Variants in PCDHA8 observed in about 807,000 individuals in gnomAD.
PCDHA8 encodes the protein protocadherin alpha-8.
A neutral mutation model predicts 61.8 loss-of-function variants in PCDHA8; 53 were observed. That is an observed-to-expected ratio of 0.86 (90% confidence interval 0.69 to 1.08). The LOEUF (loss-of-function observed/expected upper bound fraction) is 1.08, where lower values mean the gene tolerates loss of function less well. Among genes scored for constraint, PCDHA8 ranks in the 50% least tolerant of loss-of-function variants. PCDHA8 has a pLI of 0.00. For missense variants in PCDHA8, 1,293 were observed against 1,245.0 expected (o/e 1.04, Z -0.58); for synonymous variants, 618 against 556.6 (o/e 1.11, Z -1.55).
In PCDHA8 at chr5:141,009,853, G is replaced by A. The variant is rs1482682626; in HGVS notation, c.2769G>A (p.Lys923=). The change falls in exon 4 of 4, where the codon AAG becomes AAA. Residue 923 remains lysine (K), a synonymous_variant. Transcript: ENST00000531613. ...FITFGKKEET[K]KKKKKKKGNK... ...CCTTCGGCAAAAAGGAGGAGACCAAGAAAAAGAAGAAAAAGAAGAAGGGTA... is the reference window on the plus strand; with the variant it reads ...CCTTCGGCAAAAAGGAGGAGACCAAAAAAAAGAAGAAAAAGAAGAAGGGTA... 12 of 1,613,590 alleles carry A rather than the reference G, an allele frequency of 7.4e-6. No individual in the cohort carries two copies. Among genetic ancestry groups the A allele is most frequent in the Non-Finnish European group, 1.0e-5 (12 of 1,179,924 alleles).
chr5:140,871,098 G>T (rs2052704304), intron 1 of PCDHA8: 4 of 1,613,192 alleles, frequency 2.5e-6, no homozygotes, highest in Non-Finnish European at 3.4e-6. Context: ...CCACCGTGCT[G>T]GTGTCGTTGG....
In PCDHA8 at chr5:140,842,463, C is replaced by T. The variant is rs1554139058; in HGVS notation, c.1142C>T (p.Ala381Val). ...LISVNDLDSGANGQVTCSLMP... is the reference protein window; with the variant it reads ...LISVNDLDSGVNGQVTCSLMP... ...AGCGTGAACGACCTCGATTCAGGTG[C>T]CAACGGGCAGGTGACCTGCTCCCTG... is the stretch of plus-strand genomic sequence containing the variant. Residue 381 changes from alanine (A) to valine (V), a missense_variant, in exon 1 of 4, where the codon GCC becomes GTC. Physicochemically the swap from Ala to Val is moderately conservative, Grantham distance 64 (BLOSUM62 0). Transcript: ENST00000531613. The T allele has an allele frequency of 1.9e-6, 3 of 1,613,672 alleles. No individual in the cohort carries two copies. Among genetic ancestry groups the T allele is most frequent in the Admixed American group, 3.3e-5 (2 of 60,012 alleles).
At chr5:140,876,660 G>C in intron 1 of PCDHA8, 1 of 1,614,216 alleles carries the variant, frequency 6.2e-7, no homozygotes, top group Non-Finnish European at 8.5e-7. Context: ...TTCCCTTCAA[G>C]CTGGTGTCCA....
rs1563185469 is a variant in PCDHA8 at position 140,941,211 on chromosome 5, CTTCCTTT to C, written c.2395-37737_2395-37731del. On this transcript the variant is annotated intron_variant, in intron 1 of 3. Coordinates refer to ENST00000531613, the MANE Select transcript of PCDHA8 (RefSeq NM_018911.3). The stretch of plus-strand genomic sequence containing the variant: ...TTTTTTTTTCTTTCTTCCTTTCTTT[CTTCCTTT>C]CTTTCTTTCTTTCTTTCTTTCTTTC... Among the ~76,000 whole-genome samples, 1,009 of 129,652 alleles carry C rather than the reference CTTCCTTT, an allele frequency of 7.8e-3. 14 individuals are homozygous for C. Among genetic ancestry groups the C allele is most frequent in the Middle Eastern group, 0.036 (9 of 248 alleles). 85.1% of individuals were successfully genotyped at this position (129,652 alleles called of 152,430 possible).
intron 1 of PCDHA8, chr5:140,881,421 C>G: frequency 1.1e-6 from 1 of 907,614 alleles, no homozygotes; most frequent in South Asian, 5.1e-5. Context: ...GATATTAGTT[C>G]CAGGCATATT....
chr5:140,966,149 G>C (rs1347243484), intron 1 of PCDHA8: 1 of 167,682 alleles, frequency 6.0e-6, no homozygotes, highest in Non-Finnish European at 1.3e-5. Flanking sequence ...TTCCTGAATT[G>C]CGCTTGGAGA....
chr5:140,853,354 A>G (rs1391288948), intron 1 of PCDHA8: 1 of 982,096 alleles, frequency 1.0e-6, no homozygotes, highest in African/African-American at 1.8e-5. Flanking sequence ...ACATGAACTC[A>G]CAGGGATCCA....
At chr5:140,987,269 G>A (rs1442679377) in intron 3 of PCDHA8, among the ~76,000 whole-genome samples, 8 of 151,806 alleles carry the variant, frequency 5.3e-5, no homozygotes, top group African/African-American at 9.7e-5. Flanking sequence ...AATGGGACCC[G>A]GCAGTCTATG....
chr5:140,852,853 C>A, intron 1 of PCDHA8: 1 of 962,938 alleles, frequency 1.0e-6, no homozygotes, highest in Non-Finnish European at 1.3e-6. Context: ...ACTTACTAAG[C>A]ATTTACTATG....
At chr5:140,897,900 A>G (rs1173970358) in intron 1 of PCDHA8, among the ~76,000 whole-genome samples, 5 of 152,140 alleles carry the variant, frequency 3.3e-5, no homozygotes, top group Non-Finnish European at 5.9e-5. Context: ...GTGAGATGGT[A>G]TCTCATTGTG....
rs374028253 is a variant in PCDHA8, at chr5:140,876,864, G to C, written c.2394+33149G>C. ...CGCAGCCCGAGTACACAGTGTTCGT[G>C]AAGGAGAACAACCCGCCGGGCTGCC... is the stretch of plus-strand genomic sequence containing the variant. On this transcript the variant is annotated intron_variant, in intron 1 of 3. Transcript: ENST00000531613. The C allele has an allele frequency of 5.1e-5, 82 of 1,614,026 alleles. No individual in the cohort carries two copies. The African/African-American group carries it at 1.0e-3, about 20-fold the overall frequency.
intron 3 of PCDHA8, 123 bp from the exon 4 acceptor site, chr5:141,009,504 A>G: frequency 1.3e-6 from 2 of 1,497,074 alleles, no homozygotes; most frequent in Non-Finnish European, 1.8e-6. Flanking sequence ...ACTTGAACAA[A>G]CAACTCGTGA....
At chr5:140,900,139 G>A (rs985320509) in intron 1 of PCDHA8, among the ~76,000 whole-genome samples, 2 of 152,156 alleles carry the variant, frequency 1.3e-5, no homozygotes, top group East Asian at 3.9e-4. Context: ...CCACAAATAA[G>A]TAAGAACATA....
Position 140,929,287 on chromosome 5 carries a change from C to T in PCDHA8, c.2395-49662C>T, listed in dbSNP as rs782325052. On this transcript the variant is annotated intron_variant, in intron 1 of 3. Transcript: ENST00000531613. The stretch of plus-strand genomic sequence containing the variant: ...TTTGCCAATATCCTGTATTCAGATT[C>T]GGAATAGGAAAGGGGATCACGCTAA... 13 of 1,598,668 alleles carry T rather than the reference C, an allele frequency of 8.1e-6. No homozygotes were observed. In the East Asian group the frequency reaches 2.5e-4, roughly 30 times the overall value.
chr5:140,968,465 G>A lies in PCDHA8; in HGVS notation c.2395-10484G>A, dbSNP rs782606184. On this transcript the variant is annotated intron_variant, in intron 1 of 3. Coordinates refer to ENST00000531613, the MANE Select transcript of PCDHA8 (RefSeq NM_018911.3). ...ACTGAGCAGCACTGTGACTGCCAACGTATATGTGGTGGACATGAATGACCA... is the reference window on the plus strand; with the variant it reads ...ACTGAGCAGCACTGTGACTGCCAACATATATGTGGTGGACATGAATGACCA... 78 of 1,614,004 alleles carry A rather than the reference G, an allele frequency of 4.8e-5. No individual in the cohort carries two copies. Among genetic ancestry groups the A allele is most frequent in the Non-Finnish European group, 6.1e-5 (72 of 1,180,028 alleles).
intron 1 of PCDHA8, chr5:140,850,667 G>A (rs2150492921): frequency 2.5e-6 from 4 of 1,598,380 alleles, no homozygotes; most frequent in East Asian, 2.2e-5. Flanking sequence ...TGCGGTGCTC[G>A]GCGATGCCCA....
chr5:141,000,417 ATATATTTTTT>A (rs2097924181), intron 3 of PCDHA8, among the ~76,000 whole-genome samples: 1 of 77,748 alleles, frequency 1.3e-5, no homozygotes, highest in Non-Finnish European at 2.3e-5. Context: ...ATATATATAT[ATATATTTTTT>A]TTTTTTTTTT....
At chr5:140,997,670 G>A (rs1587757819) in intron 3 of PCDHA8, among the ~76,000 whole-genome samples, 1 of 79,680 alleles carries the variant, frequency 1.3e-5, no homozygotes, top group Non-Finnish European at 2.9e-5. Flanking sequence ...TATACAGCTT[G>A]TGTGTGTGTG....
At chr5:140,851,067 G>A in intron 1 of PCDHA8, 4 of 1,367,668 alleles carry the variant, frequency 2.9e-6, no homozygotes, top group Non-Finnish European at 3.8e-6. Context: ...CTTCTAGTGA[G>A]AATTATAAAC....
Sources: allele counts gnomAD v4.1 joint callset (sites outside exome capture counted in the v4.1 genomes callset), GRCh38; gene constraint gnomAD v4.1.1; transcripts MANE v1.5; gene names NCBI Gene and HGNC (gene_info 2026-07-23, HGNC 2026-07-21).